The following ARNT variants were observed in gnomAD, a reference collection of about 807,000 sequenced individuals.
ARNT encodes class E basic helix-loop-helix protein 2.
ARNT carries 30 observed loss-of-function variants against 105.0 expected under a neutral mutation model. The observed-to-expected ratio is 0.29, with a 90% confidence interval of 0.21 to 0.39. ARNT has a LOEUF of 0.39. Among genes scored for constraint, ARNT ranks in the 10% least tolerant of loss-of-function variants. The pLI, the probability that ARNT is intolerant of heterozygous loss-of-function variation, is 1.00. For synonymous variants in ARNT, 304 were observed against 344.0 expected (o/e 0.88, Z 1.29); for missense variants, 748 against 978.7 (o/e 0.76, Z 3.15).
rs751055466 is a variant in ARNT at position 150,823,928 on chromosome 1, C to T, written c.1243-583G>A. On this transcript the variant is annotated intron_variant, in intron 13 of 21. Transcript: ENST00000358595. ...CGCAATCTCGGCTCACTACAACCTC[C>T]GACTCCCTGGTTCAAGCGATTCTCC... is the stretch of plus-strand genomic sequence containing the variant. 1.6e-3 allele frequency among the ~76,000 whole-genome samples: 245 copies of T among 150,888 alleles called. 2 individuals are homozygous for T. Among genetic ancestry groups the T allele is most frequent in the South Asian group, 2.3e-3 (11 of 4,748 alleles).
At chr1:150,813,091 A>C (rs587641102) in intron 21 of ARNT, 81 bp downstream of exon 21, 1 of 1,488,762 alleles carries the variant, frequency 6.7e-7, no homozygotes, top group South Asian at 1.3e-5. Context: ...CAATCCAGGC[A>C]TGCTTCCTTC....
At chr1:150,840,250 C>A (rs1197786164) in intron 5 of ARNT, among the ~76,000 whole-genome samples, 1 of 146,976 alleles carries the variant, frequency 6.8e-6, no homozygotes, top group Non-Finnish European at 1.5e-5. Flanking sequence ...CAAAAAAAAA[C>A]AAAAAACAAA....
chr1:150,812,322 T>C (rs1441188417), intron 21 of ARNT, among the ~76,000 whole-genome samples: 3 of 152,350 alleles, frequency 2.0e-5, no homozygotes, highest in South Asian at 2.1e-4. Flanking sequence ...GTTCCACCTT[T>C]TTCCTTTTCC....
At chr1:150,833,254 A>T (rs587640008) in intron 8 of ARNT, among the ~76,000 whole-genome samples, 1 of 152,342 alleles carries the variant, frequency 6.6e-6, no homozygotes, top group East Asian at 1.9e-4. Context: ...CTGTAATCTC[A>T]GCACTTTGGG....
At position 150,812,050 on chromosome 1, in the gene ARNT, G is replaced by T. The variant is rs149246648; in HGVS notation, c.2341C>A (p.Leu781Ile). 1.3e-6 allele frequency: 2 copies of T among 1,571,046 alleles called. No homozygotes were observed. Among genetic ancestry groups the T allele is most frequent in the African/African-American group, 1.4e-5 (1 of 73,368 alleles). Residue 781 changes from leucine to isoleucine, a missense_variant, in exon 22 of 22, where the codon CTA (leucine) becomes ATA (isoleucine). This residue lies in a region of ARNT where 360 missense variants were observed against 411.9 expected (regional missense o/e 0.87). Coordinates refer to ENST00000358595, the MANE Select transcript of ARNT (RefSeq NM_001668.4). ...NSYNNEEFPD[L>I]TMFPPFSE ...TCTGAAAAGGGGGGAAACATAGTTA[G>T]ATCAGGGAATTCTTCATTGTTGTAG...
At chr1:150,833,315 C>A (rs1184092175) in intron 8 of ARNT, among the ~76,000 whole-genome samples, 1 of 152,048 alleles carries the variant, frequency 6.6e-6, no homozygotes, top group Non-Finnish European at 1.5e-5. Context: ...GCCAGCCTGG[C>A]CAACATGGTG....
chr1:150,824,988 A>C (rs993697330), intron 13 of ARNT, among the ~76,000 whole-genome samples: 1 of 151,994 alleles, frequency 6.6e-6, no homozygotes, highest in Admixed American at 6.5e-5. Flanking sequence ...CAGCCTCCCA[A>C]GTAGCTGGGA....
chr1:150,858,584 C>T, intron 1 of ARNT, 124 bp from the exon 2 acceptor site: 1 of 745,536 alleles, frequency 1.3e-6, no homozygotes, highest in Non-Finnish European at 2.2e-6. Context: ...TGCTAAAAAT[C>T]CCAAATGCTC....
At chr1:150,845,674 C>T (rs587626724) in intron 4 of ARNT, among the ~76,000 whole-genome samples, 2 of 151,986 alleles carry the variant, frequency 1.3e-5, no homozygotes, top group African/African-American at 2.4e-5. Context: ...GAGGCCGAGG[C>T]GGGCGGATCA....
chr1:150,837,331 CACTTCACTCTCACTCTAA>C (rs1660511709), intron 6 of ARNT, among the ~76,000 whole-genome samples: 1 of 152,076 alleles, frequency 6.6e-6, no homozygotes, highest in African/African-American at 2.4e-5. Context: ...TTCTCAATCC[CACTTCACTCTCACTCTAA>C]ACTACTGTTT....
chr1:150,847,910 A>G (rs1662547299), intron 3 of ARNT, among the ~76,000 whole-genome samples: 1 of 152,224 alleles, frequency 6.6e-6, no homozygotes, highest in Admixed American at 6.5e-5. Flanking sequence ...AGTATTTGGC[A>G]AAGTTCATCT....
At chr1:150,834,355 T>C (rs587648669) in intron 8 of ARNT, among the ~76,000 whole-genome samples, 183 bp downstream of exon 8, 1 of 152,346 alleles carries the variant, frequency 6.6e-6, no homozygotes, top group Admixed American at 6.5e-5. Context: ...CCTATCATAG[T>C]GTCTGGCAAG....
chr1:150,842,726 A>C (rs1434458267), intron 4 of ARNT, among the ~76,000 whole-genome samples: 2 of 152,190 alleles, frequency 1.3e-5, no homozygotes, highest in Non-Finnish European at 2.9e-5. Flanking sequence ...GTAACTTACA[A>C]GATAAAGGTC....
intron 1 of ARNT, among the ~76,000 whole-genome samples, chr1:150,867,067 C>T (rs587672502): frequency 1.3e-5 from 2 of 151,978 alleles, no homozygotes; most frequent in South Asian, 2.1e-4. Flanking sequence ...ATTAGCCAGG[C>T]GTGGTGGCAC....
chr1:150,865,843 T>A (rs1666481671), intron 1 of ARNT, among the ~76,000 whole-genome samples: 2 of 152,204 alleles, frequency 1.3e-5, no homozygotes, highest in Non-Finnish European at 2.9e-5. Flanking sequence ...TATCTTCTAG[T>A]GGATTCCTGA....
Position 150,813,354 on chromosome 1 carries a change from G to C in ARNT, c.2114-16C>G. The stretch of plus-strand genomic sequence containing the variant: ...GTCTCAGGAGCTAGAAATACAGCAA[G>C]GAAGAATAAACAACTCCAATCTACA... On this transcript the variant is annotated splice_polypyrimidine_tract_variant and intron_variant, in intron 20 of 21. Coordinates refer to ENST00000358595, the MANE Select transcript of ARNT (RefSeq NM_001668.4). 1 of 1,554,852 alleles carries C rather than the reference G, an allele frequency of 6.4e-7. No homozygotes were observed. The highest frequency in any genetic ancestry group is 1.8e-5 in the Admixed American group (1 of 54,354).
Position 150,831,776 on chromosome 1 carries a change from C to G in ARNT, c.955+42G>C, listed in dbSNP as rs758478955. 50 of 1,406,116 alleles carry G rather than the reference C, an allele frequency of 3.6e-5. No homozygotes were observed. The South Asian group carries it at 5.9e-4, about 17-fold the overall frequency. 87.1% of individuals were successfully genotyped at this position (1,406,116 alleles called of 1,614,324 possible). The stretch of plus-strand genomic sequence containing the variant: ...AGCTTTCATGGACTCTGTGAGGAAC[C>G]AACTGTACCAAGGGGAAATATTTAC... On this transcript the variant is annotated intron_variant, in intron 10 of 21. Coordinates refer to ENST00000358595, the MANE Select transcript of ARNT (RefSeq NM_001668.4).
chr1:150,876,544 G>A lies in ARNT; in HGVS notation c.24C>T (p.Pro8=). 1 of 1,550,728 alleles carries A rather than the reference G, an allele frequency of 6.4e-7. No individual in the cohort carries two copies. ...CGCCCCAGTCCTCCGTCTCCTCACC[G>A]GGGTTGGCAGTAGTCGCCGCCATGG... MAATTAN[P]EMTSDVPSLG... is the part of the protein sequence containing the mutation. Residue 8 remains proline, a splice_region_variant and synonymous_variant, in exon 1 of 22, where the codon CCC becomes CCT. Coordinates refer to ENST00000358595, the MANE Select transcript of ARNT (RefSeq NM_001668.4).
At chr1:150,816,924 C>T (rs587685730) in intron 17 of ARNT, 34 bp from the exon 18 acceptor site, 1 of 1,605,920 alleles carries the variant, frequency 6.2e-7, no homozygotes, top group South Asian at 1.1e-5. Flanking sequence ...AAGGGCCAGT[C>T]AAGGGGCTGT....
Sources: allele counts gnomAD v4.1 joint callset (sites outside exome capture counted in the v4.1 genomes callset), GRCh38; gene constraint gnomAD v4.1.1; regional missense constraint gnomAD v4.1.1; transcripts MANE v1.5; gene names NCBI Gene and HGNC (gene_info 2026-07-23, HGNC 2026-07-21).